Variants in ADCY8 observed in about 807,000 individuals in gnomAD.
ADCY8 encodes adenylate cyclase 8.
A neutral mutation model predicts 119.7 loss-of-function variants in ADCY8; 51 were observed. That is an observed-to-expected ratio of 0.43 (90% CI 0.34 to 0.54). ADCY8 has a LOEUF of 0.54. Among genes scored for constraint, ADCY8 ranks in the 20% least tolerant of loss-of-function variants. ADCY8 has a pLI of 0.03. For synonymous variants in ADCY8, 665 were observed against 651.0 expected, an observed-to-expected ratio of 1.02 and a Z score of -0.33; for missense variants, 1,383 against 1,598.8, an observed-to-expected ratio of 0.87 and a Z score of 2.30.
intron 1 of ADCY8, among the ~76,000 whole-genome samples, chr8:131,012,566 G>A (rs1261562109): frequency 1.3e-5 from 2 of 152,178 alleles, no homozygotes; most frequent in African/African-American, 4.8e-5. Context: ...ATGAGCCATC[G>A]GGTCTCCATT....
chr8:130,927,694 T>A (rs1820513962), intron 5 of ADCY8, among the ~76,000 whole-genome samples: 1 of 152,170 alleles, frequency 6.6e-6, no homozygotes, highest in African/African-American at 2.4e-5. Flanking sequence ...TAACCATTTT[T>A]TTTTTGGTGG....
intron 1 of ADCY8, among the ~76,000 whole-genome samples, chr8:131,002,440 G>C (rs974944563): frequency 2.8e-4 from 42 of 152,152 alleles, no homozygotes; most frequent in African/African-American, 1.0e-3. Context: ...AAAATCTATA[G>C]GAGTAGCTGC....
At chr8:130,899,022 G>A (rs1819504355) in intron 7 of ADCY8, among the ~76,000 whole-genome samples, 1 of 152,156 alleles carries the variant, frequency 6.6e-6, no homozygotes. Context: ...AGCTCCATCT[G>A]TTACTCCTTT....
chr8:130,939,814 C>T (rs141942604), intron 4 of ADCY8, among the ~76,000 whole-genome samples: 2 of 152,206 alleles, frequency 1.3e-5, no homozygotes, highest in African/African-American at 2.4e-5. Context: ...CAACATGCTG[C>T]TCCTTATCTT....
At chr8:131,020,218 A>G (rs1823620814) in intron 1 of ADCY8, among the ~76,000 whole-genome samples, 1 of 152,156 alleles carries the variant, frequency 6.6e-6, no homozygotes, top group African/African-American at 2.4e-5. Context: ...TGAAGATTCT[A>G]AGCCATCATC....
intron 1 of ADCY8, among the ~76,000 whole-genome samples, chr8:131,015,193 A>T (rs928138): frequency 0.58 from 88,096 of 152,076 alleles, 26,839 homozygotes; most frequent in East Asian, 0.78. Flanking sequence ...TCAAAATAGA[A>T]GAAATCTCTC....
At chr8:130,928,929 A>G (rs1185461580) in intron 5 of ADCY8, among the ~76,000 whole-genome samples, 2 of 152,096 alleles carry the variant, frequency 1.3e-5, no homozygotes, top group Non-Finnish European at 2.9e-5. Context: ...GCCTTTTTTT[A>G]GATGAGAGAC....
At chr8:131,003,954 T>C (rs953459961) in intron 1 of ADCY8, among the ~76,000 whole-genome samples, 7 of 152,234 alleles carry the variant, frequency 4.6e-5, no homozygotes, top group Non-Finnish European at 8.8e-5. Context: ...ATTTACTTAT[T>C]TACTGCCTGG....
intron 2 of ADCY8, among the ~76,000 whole-genome samples, chr8:130,962,615 G>A (rs962991835): frequency 2.0e-5 from 3 of 152,232 alleles, no homozygotes; most frequent in African/African-American, 7.2e-5. Context: ...GGGAAGTCAA[G>A]GTGAAAACAG....
chr8:130,865,041 G>C (rs1818066845), intron 9 of ADCY8, among the ~76,000 whole-genome samples: 1 of 152,096 alleles, frequency 6.6e-6, no homozygotes, highest in South Asian at 2.1e-4. Context: ...TGTTCCAGTA[G>C]CTTCAAATTC....
At chr8:130,939,765 C>T (rs1233258838) in intron 4 of ADCY8, among the ~76,000 whole-genome samples, 1 of 152,190 alleles carries the variant, frequency 6.6e-6, no homozygotes, top group Non-Finnish European at 1.5e-5. Flanking sequence ...TTAACAATGA[C>T]AATGACAACT....
At chr8:131,017,543 AAAGCTAGG>A (rs753248019) in intron 1 of ADCY8, among the ~76,000 whole-genome samples, 1 of 152,194 alleles carries the variant, frequency 6.6e-6, no homozygotes, top group Admixed American at 6.5e-5. Flanking sequence ...TGGGATGGGA[AAAGCTAGG>A]AAGCCAGAGA....
chr8:130,962,688 G>A (rs535010990), intron 2 of ADCY8, among the ~76,000 whole-genome samples: 13 of 152,340 alleles, frequency 8.5e-5, no homozygotes, highest in African/African-American at 3.1e-4. Context: ...AGGTATCAGC[G>A]CAGCCCTGTG....
intron 8 of ADCY8, among the ~76,000 whole-genome samples, chr8:130,878,078 C>T (rs999514880): frequency 1.3e-5 from 2 of 152,124 alleles, no homozygotes; most frequent in Admixed American, 1.3e-4. Flanking sequence ...ATTTAATTTT[C>T]ACAACAACCC....
At chr8:131,032,169 T>G (rs918142581) in intron 1 of ADCY8, among the ~76,000 whole-genome samples, 2 of 152,188 alleles carry the variant, frequency 1.3e-5, no homozygotes, top group African/African-American at 4.8e-5. Context: ...CATTACTCAT[T>G]TAACAAGAAA....
intron 2 of ADCY8, among the ~76,000 whole-genome samples, chr8:130,964,015 T>C (rs1444757045): frequency 6.6e-6 from 1 of 152,202 alleles, no homozygotes; most frequent in Non-Finnish European, 1.5e-5. Context: ...CCTTTGATCA[T>C]GCTAGATCTG....
chr8:130,813,439 T>A (rs990289526), intron 14 of ADCY8, among the ~76,000 whole-genome samples: 1 of 152,222 alleles, frequency 6.6e-6, no homozygotes, highest in African/African-American at 2.4e-5. Context: ...TTCATCTCTA[T>A]GAATTTGACC....
intron 7 of ADCY8, among the ~76,000 whole-genome samples, chr8:130,901,292 C>A (rs531195647): frequency 7.7e-6 from 1 of 129,628 alleles, no homozygotes; most frequent in Admixed American, 8.9e-5. Flanking sequence ...GTAATAGATG[C>A]TCAATTAATC....
chr8:131,025,371 C>T lies in ADCY8; in HGVS notation c.960+14003G>A, dbSNP rs1417066817. 3.3e-5 allele frequency among the ~76,000 whole-genome samples: 5 copies of T among 152,182 alleles called. No individual in the cohort carries two copies. In the East Asian group the frequency reaches 5.8e-4, roughly 18 times the overall value. ...AATCAGATAGCTGTGGATGAAATCTCGTATTCATCATATGACCAAAGGGAA... is the reference window on the plus strand; with the variant it reads ...AATCAGATAGCTGTGGATGAAATCTTGTATTCATCATATGACCAAAGGGAA... On this transcript the variant is annotated intron_variant, in intron 1 of 17. Coordinates refer to ENST00000286355, the MANE Select transcript of ADCY8 (RefSeq NM_001115.3).
Sources: gnomAD v4.1 joint callset for allele counts (sites outside exome capture counted in the v4.1 genomes callset) on GRCh38, gnomAD v4.1.1 for gene constraint, MANE v1.5 for transcripts, NCBI Gene and HGNC (gene_info 2026-07-23, HGNC 2026-07-21) for gene names.